The following ZHX2 variants were observed in gnomAD, a reference collection of about 807,000 sequenced individuals.
The protein encoded by ZHX2 is zinc fingers and homeoboxes protein 2.
In ZHX2, 6 loss-of-function variants were observed where a neutral mutation model predicts 21.9. The ratio of observed to expected loss-of-function variants is 0.27; its 90% confidence interval spans 0.15 to 0.54. ZHX2 has a LOEUF of 0.54. Among genes scored for constraint, ZHX2 ranks in the 20% least tolerant of loss-of-function variants. The pLI is 0.95. For missense variants in ZHX2, 908 were observed against 1,090.7 expected (o/e 0.83, Z 2.36); for synonymous variants, 434 against 437.1 (o/e 0.99, Z 0.09).
chr8:122,867,939 C>T (rs181114350), intron 2 of ZHX2, among the ~76,000 whole-genome samples: 246 of 152,264 alleles, frequency 1.6e-3, no homozygotes, highest in African/African-American at 5.6e-3. Context: ...TTCAGAGGCT[C>T]TTCCTTTTTA....
At chr8:122,922,220 T>G (rs1373838365) in intron 2 of ZHX2, among the ~76,000 whole-genome samples, 2 of 146,740 alleles carry the variant, frequency 1.4e-5, no homozygotes, top group Non-Finnish European at 3.0e-5. Context: ...CAAAGCAGAG[T>G]CCGTATCCTA....
chr8:122,951,740 G>T lies in ZHX2; in HGVS notation c.230G>T (p.Gly77Val), dbSNP rs1034277813. The T allele has an allele frequency of 6.2e-7, 1 of 1,613,988 alleles. No individual in the cohort carries two copies. Among genetic ancestry groups the T allele is most frequent in the Admixed American group, 1.7e-5 (1 of 59,988 alleles). ...AGCCAGTCCAAAAAACTCCAAGGTGGTTATGAGTGCAAATACTGCCCCTAC... is the reference window on the plus strand; with the variant it reads ...AGCCAGTCCAAAAAACTCCAAGGTGTTTATGAGTGCAAATACTGCCCCTAC... ...GESQSKKLQG[G>V]YECKYCPYST... The change falls in exon 3 of 4, where the codon GGT becomes GTT. Residue 77 changes from glycine to valine, a missense_variant. By Grantham distance (109) the Gly-to-Val change is moderately radical. Transcript: ENST00000314393.
intron 1 of ZHX2, among the ~76,000 whole-genome samples, chr8:122,847,001 C>G (rs1030569894): frequency 1.1e-4 from 16 of 152,100 alleles, no homozygotes; most frequent in African/African-American, 3.9e-4. Context: ...AGAACAGGGC[C>G]TGCAATATGA....
chr8:122,904,416 C>A (rs1423941731), intron 2 of ZHX2, among the ~76,000 whole-genome samples: 1 of 152,170 alleles, frequency 6.6e-6, no homozygotes, highest in East Asian at 1.9e-4. Flanking sequence ...TCAGAGAAGG[C>A]CAAGTGGGGA....
Position 122,782,694 on chromosome 8 carries a change from C to G in ZHX2, c.-283+748C>G, listed in dbSNP as rs1009215553. Among the ~76,000 whole-genome samples the G allele has an allele frequency of 1.3e-5, 2 of 152,064 alleles. No homozygotes were observed. The highest frequency in any genetic ancestry group is 1.3e-4 in the Admixed American group (2 of 15,270). On this transcript the variant is annotated intron_variant, in intron 1 of 3. Coordinates refer to ENST00000314393, the MANE Select transcript of ZHX2 (RefSeq NM_014943.5). The surrounding 1 kb of genome is among the most constrained non-coding windows in gnomAD (Gnocchi z 5.3). ...GGCAGGGCCGGAGCGCGGCGCTGTC[C>G]TCACCCCCGCTCAGGTGCAGGGGGA... is the stretch of plus-strand genomic sequence containing the variant.
intron 2 of ZHX2, among the ~76,000 whole-genome samples, chr8:122,921,734 A>G (rs1227534607): frequency 6.6e-6 from 1 of 152,154 alleles, no homozygotes; most frequent in Non-Finnish European, 1.5e-5. Flanking sequence ...GGTGATAGAT[A>G]TATCAACTCA....
chr8:122,810,025 T>C (rs182246704), intron 1 of ZHX2, among the ~76,000 whole-genome samples: 15 of 152,288 alleles, frequency 9.8e-5, no homozygotes, highest in Admixed American at 5.2e-4. Flanking sequence ...TTCTTGACCA[T>C]GGGCATGTAT....
At chr8:122,877,545 G>A (rs1262713158) in intron 2 of ZHX2, among the ~76,000 whole-genome samples, 1 of 152,166 alleles carries the variant, frequency 6.6e-6, no homozygotes, top group African/African-American at 2.4e-5. Flanking sequence ...ACTTGTCCTA[G>A]GTCCTGAGGC....
At chr8:122,834,184 A>C (rs1001620234) in intron 1 of ZHX2, among the ~76,000 whole-genome samples, 3 of 152,328 alleles carry the variant, frequency 2.0e-5, no homozygotes, top group Admixed American at 6.5e-5. Context: ...ATACCGGCCC[A>C]CCTGCCACCA....
chr8:122,841,401 C>T (rs1352140314), intron 1 of ZHX2, among the ~76,000 whole-genome samples: 1 of 152,170 alleles, frequency 6.6e-6, no homozygotes, highest in Non-Finnish European at 1.5e-5. Context: ...AGAGATCTCC[C>T]TATCCACCAC....
chr8:122,817,319 TCCTGCCCCA>T (rs1818056206), intron 1 of ZHX2, among the ~76,000 whole-genome samples: 1 of 152,162 alleles, frequency 6.6e-6, no homozygotes, highest in African/African-American at 2.4e-5. Context: ...GGCCCTTTTA[TCCTGCCCCA>T]CCTGCCCACT....
chr8:122,863,274 T>TTTC (rs1819210815), intron 1 of ZHX2: 1 of 150,564 alleles, frequency 6.6e-6, no homozygotes, highest in African/African-American at 2.4e-5. Flanking sequence ...TTTTTTTTTT[T>TTTC]TTTCTTTTTT....
rs371160989 is a variant in ZHX2, at chr8:122,873,937, C to T, written c.-220+10398C>T. On this transcript the variant is annotated intron_variant, in intron 2 of 3. Transcript: ENST00000314393. ...GAACATGCAGTTTCTCAGACTCTGA[C>T]GTTCATTGGCTTCCTACATCTTTAA... 9.9e-4 allele frequency among the ~76,000 whole-genome samples: 150 copies of T among 152,282 alleles called. No individual in the cohort carries two copies. The Middle Eastern group carries it at 0.01, about 10-fold the overall frequency.
intron 1 of ZHX2, among the ~76,000 whole-genome samples, chr8:122,849,177 C>T (rs1818829197): frequency 6.6e-6 from 1 of 152,166 alleles, no homozygotes; most frequent in Non-Finnish European, 1.5e-5. Context: ...CCCAAGAGAG[C>T]CTGGCACTGC....
intron 2 of ZHX2, among the ~76,000 whole-genome samples, chr8:122,936,715 C>T (rs1812707633): frequency 6.6e-6 from 1 of 152,204 alleles, no homozygotes; most frequent in South Asian, 2.1e-4. Flanking sequence ...TTCAGTGGGA[C>T]ATCATCAGGA....
intron 1 of ZHX2, among the ~76,000 whole-genome samples, chr8:122,861,898 C>G (rs1819176272): frequency 1.3e-5 from 2 of 152,208 alleles, no homozygotes; most frequent in South Asian, 4.1e-4. Context: ...GTTAGCTTGT[C>G]TCCTGGGGCG....
intron 1 of ZHX2, among the ~76,000 whole-genome samples, chr8:122,860,962 G>A (rs919030412): frequency 3.3e-5 from 5 of 151,344 alleles, no homozygotes; most frequent in Admixed American, 1.3e-4. Flanking sequence ...GAACCCAGGA[G>A]GCGGAGGTTG....
chr8:122,854,058 G>A (rs991792007), intron 1 of ZHX2, among the ~76,000 whole-genome samples: 1 of 152,138 alleles, frequency 6.6e-6, no homozygotes, highest in African/African-American at 2.4e-5. Context: ...TGGTCAGGCC[G>A]AGCCTCCCGG....
At chr8:122,792,024 T>G (rs146708167) in intron 1 of ZHX2, among the ~76,000 whole-genome samples, 1 of 152,324 alleles carries the variant, frequency 6.6e-6, no homozygotes, top group East Asian at 1.9e-4. Context: ...TTATTGACTT[T>G]TAGTGTATTT....
Sources: gnomAD v4.1 joint callset for allele counts (sites outside exome capture counted in the v4.1 genomes callset) on GRCh38, gnomAD v4.1.1 for gene constraint, Gnocchi (gnomAD v3.1) non-coding constraint, MANE v1.5 for transcripts, NCBI Gene and HGNC (gene_info 2026-07-23, HGNC 2026-07-21) for gene names.